MPPED2: variants seen among roughly 807,000 people sequenced by gnomAD.
MPPED2 encodes the protein metallophosphoesterase domain containing 2.
A neutral mutation model predicts 33.0 loss-of-function variants in MPPED2; 5 were observed. The observed-to-expected ratio is 0.15, with a 90% confidence interval of 0.08 to 0.32. MPPED2 has a LOEUF of 0.32. MPPED2 is among the 10% of genes least tolerant of loss of function. The pLI is 1.00. For synonymous variants in MPPED2, 136 were observed against 141.9 expected, an observed-to-expected ratio of 0.96 and a Z score of 0.29; for missense variants, 275 against 372.1, an observed-to-expected ratio of 0.74 and a Z score of 2.15.
intron 4 of MPPED2, among the ~76,000 whole-genome samples, chr11:30,494,757 A>AAAAAAAAAAG (rs768924251): frequency 1.8e-3 from 217 of 120,700 alleles, no homozygotes; most frequent in African/African-American, 6.4e-3. Flanking sequence ...AAAAAAAAAA[A>AAAAAAAAAAG]AAAGAAAGAA....
chr11:30,494,346 C>G (rs1448374313), intron 4 of MPPED2, among the ~76,000 whole-genome samples: 1 of 152,114 alleles, frequency 6.6e-6, no homozygotes, highest in Admixed American at 6.5e-5. Context: ...CTGTGTCACA[C>G]AGACATACAC....
chr11:30,386,752 C>G, exon 7 of MPPED2: 2 of 398,482 alleles, frequency 5.0e-6, no homozygotes, highest in East Asian at 3.6e-5. Context: ...ACAGTCAAAC[C>G]CTCCTGATTA....
chr11:30,424,289 G>C (rs1565053673), intron 4 of MPPED2, among the ~76,000 whole-genome samples: 1 of 152,186 alleles, frequency 6.6e-6, no homozygotes, highest in Non-Finnish European at 1.5e-5. Flanking sequence ...CATCACTGCT[G>C]CCTGGCACCT....
chr11:30,391,630 C>T (rs1218748878), intron 6 of MPPED2, among the ~76,000 whole-genome samples: 1 of 152,118 alleles, frequency 6.6e-6, no homozygotes, highest in Non-Finnish European at 1.5e-5. Context: ...TGTGTGGATT[C>T]AATAAGATCA....
intron 2 of MPPED2, among the ~76,000 whole-genome samples, chr11:30,570,139 A>C (rs575220477): frequency 6.6e-6 from 1 of 152,238 alleles, no homozygotes; most frequent in African/African-American, 2.4e-5. Flanking sequence ...CTCATAAAAG[A>C]CATGCATTTA....
chr11:30,413,099 C>T (rs1385196899), intron 6 of MPPED2, among the ~76,000 whole-genome samples: 1 of 152,228 alleles, frequency 6.6e-6, no homozygotes, highest in Admixed American at 6.5e-5. Flanking sequence ...CTGCTTTCCA[C>T]CCACTCAGCT....
chr11:30,518,124 C>T (rs1202299486), intron 3 of MPPED2, among the ~76,000 whole-genome samples: 1 of 152,192 alleles, frequency 6.6e-6, no homozygotes, highest in Non-Finnish European at 1.5e-5. Context: ...AGAACAGCTA[C>T]CAAGAACCAC....
rs939364050 is a variant in MPPED2 at position 30,467,134 on chromosome 11, ACACCC to A, written c.536+28157_536+28161del. On this transcript the variant is annotated intron_variant, in intron 4 of 6. Coordinates refer to ENST00000358117, the MANE Select transcript of MPPED2 (RefSeq NM_001584.3). ...GATGGTTTAAACAGAAGTTGCAAAA[ACACCC>A]CACCCCCACACTTTCTGGCTTTTGC... 6.6e-5 allele frequency among the ~76,000 whole-genome samples: 10 copies of A among 152,194 alleles called. No individual in the cohort carries two copies. In the East Asian group the frequency reaches 1.7e-3, roughly 26 times the overall value.
At chr11:30,523,557 G>A (rs965295133) in intron 3 of MPPED2, among the ~76,000 whole-genome samples, 6 of 151,240 alleles carry the variant, frequency 4.0e-5, no homozygotes, top group Non-Finnish European at 7.4e-5. Flanking sequence ...TCATCCTCAC[G>A]ACTCTGTGAC....
chr11:30,384,164 A>G (rs1947675660), downstream of MPPED2, among the ~76,000 whole-genome samples: 1 of 152,098 alleles, frequency 6.6e-6, no homozygotes, highest in Non-Finnish European at 1.5e-5. Context: ...AAAAACAAAG[A>G]CACTCCCAAT....
intron 4 of MPPED2, among the ~76,000 whole-genome samples, chr11:30,427,469 G>A (rs188784475): frequency 2.7e-4 from 41 of 152,276 alleles, no homozygotes; most frequent in African/African-American, 9.6e-4. Context: ...AGACCCAAAG[G>A]GGACAATTGA....
At chr11:30,512,591 T>A (rs1371937588) in intron 3 of MPPED2, among the ~76,000 whole-genome samples, 1 of 152,102 alleles carries the variant, frequency 6.6e-6, no homozygotes, top group Non-Finnish European at 1.5e-5. Flanking sequence ...CTTGGAAAAA[T>A]CACTGCCCCA....
At chr11:30,457,399 CAG>C (rs1565086693) in intron 4 of MPPED2, among the ~76,000 whole-genome samples, 1 of 139,366 alleles carries the variant, frequency 7.2e-6, no homozygotes, top group African/African-American at 2.7e-5. Context: ...AAAAAAAAAA[CAG>C]TTCCTTCTTT....
At chr11:30,422,250 T>C (rs538329553) in intron 4 of MPPED2, among the ~76,000 whole-genome samples, 3 of 152,306 alleles carry the variant, frequency 2.0e-5, no homozygotes, top group South Asian at 4.1e-4. Context: ...AAGAAGGAAC[T>C]TGGAGCCTGC....
At chr11:30,467,093 A>G (rs865774688) in intron 4 of MPPED2, among the ~76,000 whole-genome samples, 83 of 152,284 alleles carry the variant, frequency 5.5e-4, no homozygotes, top group African/African-American at 1.9e-3. Flanking sequence ...CCTTTGCCTC[A>G]GGGGTGTTTG....
At chr11:30,575,819 A>G (rs960298618) in intron 2 of MPPED2, among the ~76,000 whole-genome samples, 2 of 152,016 alleles carry the variant, frequency 1.3e-5, no homozygotes, top group Admixed American at 6.6e-5. Flanking sequence ...TGGATGAGAC[A>G]CTCCTAGGCT....
chr11:30,413,547 C>T (rs1271403194), intron 6 of MPPED2, among the ~76,000 whole-genome samples: 1 of 152,116 alleles, frequency 6.6e-6, no homozygotes, highest in Non-Finnish European at 1.5e-5. Context: ...ACTCAGCTTA[C>T]CTTGAAAGGC....
chr11:30,416,814 G>A (rs487760), intron 5 of MPPED2, among the ~76,000 whole-genome samples: 139,572 of 152,246 alleles, frequency 0.92, 64,003 homozygotes, highest in East Asian at 1. Context: ...CTTGTTGAAG[G>A]ATGTTCTGTA....
chr11:30,408,387 C>T (rs1948023261), downstream of MPPED2, among the ~76,000 whole-genome samples: 1 of 152,226 alleles, frequency 6.6e-6, no homozygotes, highest in South Asian at 2.1e-4. Context: ...TCGGCGCTCA[C>T]TGCAACCTCT....
Sources: allele counts gnomAD v4.1 joint callset (sites outside exome capture counted in the v4.1 genomes callset), GRCh38; gene constraint gnomAD v4.1.1; transcripts MANE v1.5; gene names NCBI Gene and HGNC (gene_info 2026-07-23, HGNC 2026-07-21).